USP15: variants seen among roughly 807,000 people sequenced by gnomAD.
The protein encoded by USP15 is ubiquitin specific peptidase 15.
A neutral mutation model predicts 127.1 loss-of-function variants in USP15; 18 were observed. The observed-to-expected ratio is 0.14, with a 90% CI of 0.10 to 0.21. The LOEUF (loss-of-function observed/expected upper bound fraction) is 0.21. USP15 is among the 10% of genes least tolerant of loss of function. The pLI is 1.00. For synonymous variants in USP15, 364 were observed against 393.7 expected, an observed-to-expected ratio of 0.92 and a Z score of 0.89; for missense variants, 805 against 1,159.9, an observed-to-expected ratio of 0.69 and a Z score of 4.44.
At chr12:62,266,460 T>G (rs2063194815) in intron 1 of USP15, among the ~76,000 whole-genome samples, 1 of 152,174 alleles carries the variant, frequency 6.6e-6, no homozygotes, top group Admixed American at 6.5e-5. Context: ...ATTTTTGAAG[T>G]GAAAGAACAT....
chr12:62,302,806 A>G lies in USP15; in HGVS notation c.234A>G (p.Ser78=). The G allele has an allele frequency of 1.2e-6, 2 of 1,609,306 alleles. No individual in the cohort carries two copies. The highest frequency in any genetic ancestry group is 1.7e-6 in the Non-Finnish European group (2 of 1,177,184). The change falls in exon 3 of 22, where the codon TCA becomes TCG. Residue 78 remains serine, a synonymous_variant. Coordinates refer to ENST00000280377, the MANE Select transcript of USP15 (RefSeq NM_001252078.2). ...CTTTTGCAGATGGTGATGCCCAGTC[A>G]CTTAAGGAACACCTTATTGATGAAT... ...SGLLKDGDAQ[S]LKEHLIDELD...
At chr12:62,338,560 G>A (rs560871041) in intron 6 of USP15, among the ~76,000 whole-genome samples, 3 of 152,290 alleles carry the variant, frequency 2.0e-5, no homozygotes, top group Admixed American at 6.5e-5. Context: ...CCATGACTGT[G>A]TCCTGAATGG....
In USP15 at chr12:62,345,195, A is replaced by G. The variant is rs192714388; in HGVS notation, c.684-4026A>G. On this transcript the variant is annotated intron_variant, in intron 6 of 21. Coordinates refer to ENST00000280377, the MANE Select transcript of USP15 (RefSeq NM_001252078.2). ...AACTGAATGCCTTTAGCAGCACCCA[A>G]GTCACATCCTGAATGGTTTGCTGCT... Among the ~76,000 whole-genome samples, 5 of 152,332 alleles carry G rather than the reference A, an allele frequency of 3.3e-5. No homozygotes were observed. In the East Asian group the frequency reaches 5.8e-4, roughly 18 times the overall value.
At position 62,404,822 on chromosome 12, in the gene USP15, G is replaced by T. The variant is rs2067815360; in HGVS notation, c.*447G>T. On this transcript the variant is annotated 3_prime_UTR_variant, in exon 22 of 22. Coordinates refer to ENST00000280377, the MANE Select transcript of USP15 (RefSeq NM_001252078.2). The stretch of plus-strand genomic sequence containing the variant: ...ATTAGGCTGCCGTATATACTACTAT[G>T]ATATTTAGCTGCAGTATCAATGTGG... The T allele has an allele frequency of 6.6e-6, 1 of 152,492 alleles. No individual in the cohort carries two copies. Among genetic ancestry groups the T allele is most frequent in the Non-Finnish European group, 1.5e-5 (1 of 68,100 alleles). The allele number at this position is 152,492 out of a possible 1,614,324, so 9.4% of individuals were successfully genotyped here. A position where few individuals can be genotyped will look rare whatever the true frequency, so the allele number is the denominator to read the frequency against.
intron 4 of USP15, 100 bp from the exon 5 acceptor site, chr12:62,321,364 A>G (rs993256996): frequency 1.5e-5 from 10 of 681,570 alleles, no homozygotes; most frequent in African/African-American, 9.4e-5. Flanking sequence ...TTGATTTTCT[A>G]TTAGTATTTT....
rs2067996133 is a variant in USP15, at chr12:62,409,891, A to AT, written c.*5516_*5517insT. 1 of 151,928 alleles carries AT rather than the reference A, an allele frequency of 6.6e-6. No homozygotes were observed. The allele number at this position is 151,928 out of a possible 1,614,324, so 9.4% of individuals were successfully genotyped here. The stretch of plus-strand genomic sequence containing the variant: ...ATATCAAGCACAAGTCTCTCATTAA[A>AT]ATTTTTTTTTAATAGTATTTGCTTT... On this transcript the variant is annotated 3_prime_UTR_variant, in exon 22 of 22. Transcript: ENST00000280377.
At chr12:62,306,610 C>G (rs2064489958) in intron 3 of USP15, among the ~76,000 whole-genome samples, 1 of 151,978 alleles carries the variant, frequency 6.6e-6, no homozygotes, top group African/African-American at 2.4e-5. Flanking sequence ...AAAGTACTGC[C>G]TAGTTTCTTT....
At chr12:62,282,099 G>A (rs1436956701) in intron 1 of USP15, among the ~76,000 whole-genome samples, 1 of 152,222 alleles carries the variant, frequency 6.6e-6, no homozygotes, top group South Asian at 2.1e-4. Flanking sequence ...AGGCCAAAGT[G>A]GGAGGGCACC....
At chr12:62,308,180 T>G (rs1202171471) in intron 3 of USP15, among the ~76,000 whole-genome samples, 2 of 152,102 alleles carry the variant, frequency 1.3e-5, no homozygotes, top group Non-Finnish European at 2.9e-5. Context: ...CAATTATAGA[T>G]GACAAATTTC....
rs1437236518 is a variant in USP15 at position 62,412,307 on chromosome 12, TACTC to T, written c.*7935_*7938del. On this transcript the variant is annotated 3_prime_UTR_variant, in exon 22 of 22. Transcript: ENST00000280377. ...GACAGTCTTGCCTCATTTTGATAGA[TACTC>T]ACCAGGATGGTGGTTGCTGAAGGTT... 6.6e-6 allele frequency: 1 copy of T among 152,222 alleles called. No homozygotes were observed. Among genetic ancestry groups the T allele is most frequent in the Non-Finnish European group, 1.5e-5 (1 of 68,038 alleles). The allele number at this position is 152,222 out of a possible 1,614,324, so 9.4% of individuals were successfully genotyped here. A position where few individuals can be genotyped will look rare whatever the true frequency, so the allele number is the denominator to read the frequency against.
At chr12:62,337,688 G>A (rs1565867131) in intron 6 of USP15, among the ~76,000 whole-genome samples, 1 of 149,614 alleles carries the variant, frequency 6.7e-6, no homozygotes, top group Non-Finnish European at 1.5e-5. Context: ...GTGTCCATGT[G>A]TTCTCATTGT....
intron 8 of USP15, among the ~76,000 whole-genome samples, chr12:62,364,208 G>A (rs909939958): frequency 2.0e-5 from 3 of 152,150 alleles, no homozygotes; most frequent in Admixed American, 2.0e-4. Context: ...GCAATAGGAG[G>A]AAAGAAAGGG....
At chr12:62,305,594 A>G (rs2064459538) in intron 3 of USP15, 1 of 152,234 alleles carries the variant, frequency 6.6e-6, no homozygotes, top group African/African-American at 2.4e-5. Context: ...GCAGGAAAAC[A>G]GTGTAGACTG....
intron 2 of USP15, among the ~76,000 whole-genome samples, chr12:62,302,322 T>C (rs1386774201): frequency 5.9e-5 from 9 of 152,234 alleles, no homozygotes; most frequent in African/African-American, 2.2e-4. Flanking sequence ...AACACTCTTT[T>C]GTCAAGTCTC....
intron 1 of USP15, among the ~76,000 whole-genome samples, chr12:62,283,687 T>TA (rs1262480787): frequency 6.6e-6 from 1 of 152,200 alleles, no homozygotes; most frequent in Non-Finnish European, 1.5e-5. Context: ...TCATGCTTGT[T>TA]ATCCTAGCAC....
chr12:62,391,540 T>C, intron 16 of USP15, 111 bp downstream of exon 16: 1 of 1,366,956 alleles, frequency 7.3e-7, no homozygotes, highest in Admixed American at 2.8e-5. Context: ...CATTTACTTT[T>C]CTATCTCAAA....
At chr12:62,341,056 TC>T (rs1273472036) in intron 6 of USP15, among the ~76,000 whole-genome samples, 4 of 152,218 alleles carry the variant, frequency 2.6e-5, no homozygotes, top group African/African-American at 9.6e-5. Flanking sequence ...ATCTGGGTGC[TC>T]CTATATTGGG....
chr12:62,348,536 G>C (rs1426663418), intron 6 of USP15, among the ~76,000 whole-genome samples: 1 of 151,988 alleles, frequency 6.6e-6, no homozygotes, highest in Non-Finnish European at 1.5e-5. Flanking sequence ...AAATTACAAG[G>C]GGAAATAAAA....
chr12:62,260,620 C>T (rs2063014583), intron 1 of USP15, 117 bp downstream of exon 1: 2 of 949,036 alleles, frequency 2.1e-6, no homozygotes, highest in African/African-American at 3.3e-5. Context: ...CGGCGGCCGC[C>T]GGGGCAGCGG....
Sources: gnomAD v4.1 joint callset for allele counts (sites outside exome capture counted in the v4.1 genomes callset) on GRCh38, gnomAD v4.1.1 for gene constraint, MANE v1.5 for transcripts, NCBI Gene and HGNC (gene_info 2026-07-23, HGNC 2026-07-21) for gene names.